The following KIAA1958 variants were observed in gnomAD, a reference collection of about 807,000 sequenced individuals.
KIAA1958 encodes KIAA1958, also known as uncharacterized protein KIAA1958.
KIAA1958 carries 14 observed loss-of-function variants against 47.2 expected under a neutral mutation model. The ratio of observed to expected loss-of-function variants is 0.30; its 90% CI spans 0.20 to 0.46. The LOEUF (loss-of-function observed/expected upper bound fraction) is 0.46, where lower values mean the gene tolerates loss of function less well. Ranked by LOEUF, KIAA1958 falls within the 20% of genes least tolerant of loss-of-function variation. KIAA1958 has a pLI of 1.00. For missense variants in KIAA1958, 803 were observed against 909.2 expected (o/e 0.88, Z 1.50); for synonymous variants, 354 against 353.3 (o/e 1.00, Z -0.02).
intron 3 of KIAA1958, among the ~76,000 whole-genome samples, chr9:112,653,324 A>G (rs1306374519): frequency 6.6e-6 from 1 of 152,228 alleles, no homozygotes; most frequent in Non-Finnish European, 1.5e-5. Context: ...CCAAAAGGTC[A>G]GGTTACAGAA....
intron 2 of KIAA1958, among the ~76,000 whole-genome samples, chr9:112,580,654 G>A (rs538381293): frequency 1.3e-5 from 2 of 152,128 alleles, no homozygotes; most frequent in African/African-American, 4.8e-5. Context: ...CAGCGTGGTG[G>A]CAGGCGCCTG....
intron 1 of KIAA1958, among the ~76,000 whole-genome samples, chr9:112,553,846 A>G (rs1034894589): frequency 6.6e-6 from 1 of 152,230 alleles, no homozygotes; most frequent in African/African-American, 2.4e-5. Flanking sequence ...AACCATGTTT[A>G]TTTTTTGTGC....
chr9:112,600,499 A>G (rs1422225057), intron 2 of KIAA1958, among the ~76,000 whole-genome samples: 1 of 152,226 alleles, frequency 6.6e-6, no homozygotes, highest in East Asian at 1.9e-4. Context: ...TTAGAACTGT[A>G]CTGAATTCAT....
At chr9:112,571,132 A>G (rs1835526836) in intron 1 of KIAA1958, among the ~76,000 whole-genome samples, 1 of 152,152 alleles carries the variant, frequency 6.6e-6, no homozygotes, top group Admixed American at 6.5e-5. Context: ...CTCACACACT[A>G]ATCTCTCCTG....
chr9:112,559,383 A>G (rs982568239), intron 1 of KIAA1958, among the ~76,000 whole-genome samples: 2 of 152,256 alleles, frequency 1.3e-5, no homozygotes, highest in Non-Finnish European at 2.9e-5. Context: ...AACCAAGAAT[A>G]GCAGAATAAG....
intron 1 of KIAA1958, among the ~76,000 whole-genome samples, chr9:112,569,748 G>A (rs994582299): frequency 6.6e-6 from 1 of 151,798 alleles, no homozygotes; most frequent in Non-Finnish European, 1.5e-5. Flanking sequence ...AGCCTCCCGA[G>A]TAGCTGGGAT....
chr9:112,534,922 C>T (rs1183240936), intron 1 of KIAA1958, among the ~76,000 whole-genome samples: 3 of 151,988 alleles, frequency 2.0e-5, no homozygotes, highest in Non-Finnish European at 4.4e-5. Context: ...AAATATTTTC[C>T]CAGGGTTCTT....
intron 1 of KIAA1958, among the ~76,000 whole-genome samples, chr9:112,556,395 C>A (rs1835243307): frequency 6.6e-6 from 1 of 152,202 alleles, no homozygotes. Flanking sequence ...AATACACATG[C>A]CCTTTCATAT....
At chr9:112,512,131 C>T (rs2132781000) in intron 1 of KIAA1958, among the ~76,000 whole-genome samples, 1 of 152,228 alleles carries the variant, frequency 6.6e-6, no homozygotes, top group Middle Eastern at 3.4e-3. Context: ...TCTAACTCTT[C>T]TAGGAAATTA....
chr9:112,622,926 A>C (rs146654612), intron 2 of KIAA1958, among the ~76,000 whole-genome samples: 7 of 152,324 alleles, frequency 4.6e-5, no homozygotes, highest in Non-Finnish European at 1.5e-5. Flanking sequence ...CTCTCAAAGA[A>C]TTTATAAAAG....
At position 112,669,094 on chromosome 9, in the gene KIAA1958, C is replaced by T. The variant is rs1837387323; in HGVS notation, c.*9025C>T. 6.6e-6 allele frequency: 1 copy of T among 152,222 alleles called. No individual in the cohort carries two copies. The highest frequency in any genetic ancestry group is 1.5e-5 in the Non-Finnish European group (1 of 68,048). 9.4% of individuals were successfully genotyped at this position (152,222 alleles called of 1,614,324 possible). ...CGTGAATGATGTTATTGTACCGTCT[C>T]CAGCTTTTTCCTTCTTCCCCCAGAT... On this transcript the variant is annotated 3_prime_UTR_variant, in exon 4 of 4. Transcript: ENST00000337530.
At chr9:112,556,638 T>C (rs1010425877) in intron 1 of KIAA1958, among the ~76,000 whole-genome samples, 2 of 152,202 alleles carry the variant, frequency 1.3e-5, no homozygotes, top group Admixed American at 1.3e-4. Context: ...TCCAGCCCAC[T>C]TAGGTTTCTT....
intron 1 of KIAA1958, among the ~76,000 whole-genome samples, chr9:112,531,313 G>A (rs1026407797): frequency 6.6e-6 from 1 of 152,092 alleles, no homozygotes; most frequent in Admixed American, 6.6e-5. Flanking sequence ...ACTTGAACCC[G>A]GGAGGCAGAG....
chr9:112,617,721 G>A, intron 2 of KIAA1958: 1 of 644,020 alleles, frequency 1.6e-6, no homozygotes, highest in Non-Finnish European at 2.7e-6. Flanking sequence ...TAATGTGACA[G>A]GTATGTAAAT....
intron 1 of KIAA1958, among the ~76,000 whole-genome samples, chr9:112,501,475 AGTGAGAACGCTGCCAAGAG>A (rs1353652834): frequency 6.6e-6 from 1 of 152,180 alleles, no homozygotes; most frequent in Non-Finnish European, 1.5e-5. Flanking sequence ...CAAGTTGAGA[AGTGAGAACGCTGCCAAGAG>A]GGCAGCCAAC....
chr9:112,533,379 A>G (rs1186184360), intron 1 of KIAA1958, among the ~76,000 whole-genome samples: 2 of 150,676 alleles, frequency 1.3e-5, no homozygotes, highest in Non-Finnish European at 2.9e-5. Flanking sequence ...GATCGAGACC[A>G]CCCTGGCTAA....
chr9:112,546,257 T>A (rs1390972870), intron 1 of KIAA1958, among the ~76,000 whole-genome samples: 1 of 152,158 alleles, frequency 6.6e-6, no homozygotes, highest in African/African-American at 2.4e-5. Flanking sequence ...AAACCCCCAC[T>A]AGCACTCTGA....
chr9:112,494,582 A>G (rs1834021371), intron 1 of KIAA1958, among the ~76,000 whole-genome samples: 1 of 151,414 alleles, frequency 6.6e-6, no homozygotes, highest in Non-Finnish European at 1.5e-5. Flanking sequence ...TGATCCTCCC[A>G]GTTTAGCCCC....
At chr9:112,567,418 G>A (rs1835444031) in intron 1 of KIAA1958, among the ~76,000 whole-genome samples, 1 of 152,056 alleles carries the variant, frequency 6.6e-6, no homozygotes, top group Non-Finnish European at 1.5e-5. Context: ...TCTTCTTTAT[G>A]CTCCCAGGAG....
Sources: gnomAD v4.1 joint callset for allele counts (sites outside exome capture counted in the v4.1 genomes callset) on GRCh38, gnomAD v4.1.1 for gene constraint, MANE v1.5 for transcripts, NCBI Gene and HGNC (gene_info 2026-07-23, HGNC 2026-07-21) for gene names.